Variants in LRP1B observed in about 807,000 individuals in gnomAD.
The protein encoded by LRP1B is low-density lipoprotein receptor-related protein 1B.
A neutral mutation model predicts 556.6 loss-of-function variants in LRP1B; 217 were observed. The ratio of observed to expected loss-of-function variants is 0.39; its 90% CI spans 0.35 to 0.44. The LOEUF is 0.44. LRP1B is among the 20% of genes least tolerant of loss of function. LRP1B has a pLI of 1.00. For missense variants in LRP1B, 5,053 were observed against 5,620.8 expected (o/e 0.90, Z 3.23); for synonymous variants, 2,047 against 1,865.8 (o/e 1.10, Z -2.50).
At chr2:141,688,908 T>C (rs1691411756) in intron 2 of LRP1B, among the ~76,000 whole-genome samples, 1 of 151,902 alleles carries the variant, frequency 6.6e-6, no homozygotes, top group Admixed American at 6.6e-5. Flanking sequence ...CCACCTTTCT[T>C]ATCCCAGTTC....
At chr2:140,549,842 AGTGTTG>A (rs1680480702) in intron 43 of LRP1B, among the ~76,000 whole-genome samples, 1 of 151,860 alleles carries the variant, frequency 6.6e-6, no homozygotes, top group Admixed American at 6.6e-5. Flanking sequence ...CATCGGCTGT[AGTGTTG>A]TGAGTTGTTG....
chr2:141,272,603 G>A (rs1685129645), intron 3 of LRP1B, among the ~76,000 whole-genome samples: 1 of 151,856 alleles, frequency 6.6e-6, no homozygotes, highest in South Asian at 2.1e-4. Flanking sequence ...ACAAATAGGT[G>A]GAAAGAAAAT....
chr2:141,360,850 A>G (rs1014846134), intron 3 of LRP1B, among the ~76,000 whole-genome samples: 2 of 152,244 alleles, frequency 1.3e-5, no homozygotes, highest in African/African-American at 4.8e-5. Flanking sequence ...ACCCAAATAC[A>G]CAAGCATATA....
chr2:141,383,976 A>G (rs1559041478), intron 3 of LRP1B, among the ~76,000 whole-genome samples: 3 of 152,202 alleles, frequency 2.0e-5, no homozygotes, highest in Admixed American at 6.5e-5. Context: ...TACGTAAAAT[A>G]TGCTGAGGGA....
intron 1 of LRP1B, among the ~76,000 whole-genome samples, chr2:142,048,897 G>T (rs1434338637): frequency 6.6e-6 from 1 of 151,992 alleles, no homozygotes; most frequent in Non-Finnish European, 1.5e-5. Flanking sequence ...GGCCTGAAAA[G>T]TACTTGTTTA....
At chr2:141,816,459 G>T (rs1389595903) in intron 1 of LRP1B, among the ~76,000 whole-genome samples, 1 of 152,166 alleles carries the variant, frequency 6.6e-6, no homozygotes, top group Non-Finnish European at 1.5e-5. Context: ...CAGACTCCAA[G>T]TTCTGCAGCT....
intron 1 of LRP1B, among the ~76,000 whole-genome samples, chr2:142,128,207 A>T (rs991636657): frequency 3.3e-5 from 5 of 152,162 alleles, no homozygotes; most frequent in Admixed American, 3.3e-4. Flanking sequence ...TTATGAATGT[A>T]TAAAGGAAAA....
At chr2:140,879,200 T>TGGGA (rs1445897961) in intron 25 of LRP1B, among the ~76,000 whole-genome samples, 1 of 152,152 alleles carries the variant, frequency 6.6e-6, no homozygotes, top group Admixed American at 6.6e-5. Flanking sequence ...GTCTACCTTG[T>TGGGA]AACTTTCTAT....
At chr2:142,043,276 T>C (rs1704125221) in intron 1 of LRP1B, among the ~76,000 whole-genome samples, 1 of 151,660 alleles carries the variant, frequency 6.6e-6, no homozygotes, top group Non-Finnish European at 1.5e-5. Context: ...GGTTGTACTG[T>C]GTTCAAATTC....
intron 7 of LRP1B, among the ~76,000 whole-genome samples, chr2:141,168,397 G>A (rs1348168081): frequency 2.0e-5 from 3 of 151,998 alleles, no homozygotes; most frequent in Admixed American, 1.3e-4. Context: ...GAGCAGTGAA[G>A]TGCACTGTGC....
chr2:142,106,444 G>A lies in LRP1B; in HGVS notation c.82+24204C>T, dbSNP rs111564795. On this transcript the variant is annotated intron_variant, in intron 1 of 90. Transcript: ENST00000389484. ...TACATTTTGCAGATACAAAATCTCA[G>A]TTTTGAAGAAATTAAGTGACTTGTT... Among the ~76,000 whole-genome samples the A allele has an allele frequency of 5.3e-5, 8 of 152,220 alleles. 2 individuals carry two copies. Among genetic ancestry groups the A allele is most frequent in the African/African-American group, 1.9e-4 (8 of 41,548 alleles).
intron 1 of LRP1B, among the ~76,000 whole-genome samples, chr2:141,982,162 T>A (rs1314164129): frequency 1.3e-5 from 2 of 151,982 alleles, no homozygotes; most frequent in African/African-American, 4.8e-5. Flanking sequence ...AGATTATAGC[T>A]AACTCAATCC....
Position 141,478,154 on chromosome 2 carries a change from T to C in LRP1B, c.343+2242A>G, listed in dbSNP as rs138695958. ...AAGTATTTTATTTTTGTTCAAATACTTTGTTTTTATTTGAATCCCCTTTTA... is the reference window on the plus strand; with the variant it reads ...AAGTATTTTATTTTTGTTCAAATACCTTGTTTTTATTTGAATCCCCTTTTA... On this transcript the variant is annotated intron_variant, in intron 3 of 90. Transcript: ENST00000389484. Among the ~76,000 whole-genome samples the C allele has an allele frequency of 5.4e-3, 823 of 152,302 alleles. 8 individuals carry two copies. Among genetic ancestry groups the C allele is most frequent in the African/African-American group, 0.018 (759 of 41,576 alleles).
At chr2:140,341,032 G>T (rs996755277) in intron 77 of LRP1B, among the ~76,000 whole-genome samples, 1 of 151,664 alleles carries the variant, frequency 6.6e-6, no homozygotes, top group Admixed American at 6.6e-5. Flanking sequence ...GCAAATGACA[G>T]TGTGTTTCCA....
chr2:141,375,461 C>A (rs1689392214), intron 3 of LRP1B, among the ~76,000 whole-genome samples: 1 of 152,024 alleles, frequency 6.6e-6, no homozygotes, highest in Admixed American at 6.5e-5. Flanking sequence ...ATGGCAGTAG[C>A]AGTGGTGGAG....
chr2:140,383,130 CATG>C (rs1683603151), intron 67 of LRP1B, among the ~76,000 whole-genome samples: 1 of 152,148 alleles, frequency 6.6e-6, no homozygotes, highest in Admixed American at 6.6e-5. Context: ...TTAAGCAACA[CATG>C]ATGATATAGG....
intron 31 of LRP1B, among the ~76,000 whole-genome samples, chr2:140,829,215 G>T (rs1000113628): frequency 1.3e-5 from 2 of 152,064 alleles, no homozygotes; most frequent in African/African-American, 4.8e-5. Flanking sequence ...CTCAGTAATT[G>T]ACAGATCATT....
At chr2:140,989,963 T>C (rs192015938) in intron 16 of LRP1B, among the ~76,000 whole-genome samples, 94 of 152,238 alleles carry the variant, frequency 6.2e-4, no homozygotes, top group Non-Finnish European at 1.8e-4. Context: ...CCCAGCATTT[T>C]GGGAGGCTGA....
At chr2:141,874,006 A>T (rs1350159869) in intron 1 of LRP1B, among the ~76,000 whole-genome samples, 1 of 151,660 alleles carries the variant, frequency 6.6e-6, no homozygotes, top group African/African-American at 2.4e-5. Flanking sequence ...GCATAGAGAG[A>T]CAAAAAGGAA....
Sources: gnomAD v4.1 joint callset for allele counts (sites outside exome capture counted in the v4.1 genomes callset) on GRCh38, gnomAD v4.1.1 for gene constraint, MANE v1.5 for transcripts, NCBI Gene and HGNC (gene_info 2026-07-23, HGNC 2026-07-21) for gene names.